ME3: variants seen among roughly 807,000 people sequenced by gnomAD.
ME3 encodes the protein malic enzyme 3.
A neutral mutation model predicts 68.9 loss-of-function variants in ME3; 48 were observed. The observed-to-expected ratio is 0.70, with a 90% CI of 0.55 to 0.89. The LOEUF (loss-of-function observed/expected upper bound fraction) is 0.89, where lower values mean the gene tolerates loss of function less well. Among genes scored for constraint, ME3 ranks in the 40% least tolerant of loss-of-function variants. The probability of loss-of-function intolerance (pLI) is 0.00; values close to 1 mark genes in which losing one functional copy is unlikely to be tolerated. For missense variants in ME3, 675 were observed against 797.4 expected (o/e 0.85, Z 1.85); for synonymous variants, 320 against 318.8 (o/e 1.00, Z -0.04).
chr11:86,447,372 T>C (rs1949370446), intron 11 of ME3, among the ~76,000 whole-genome samples, 165 bp from the exon 12 acceptor site: 2 of 152,200 alleles, frequency 1.3e-5, no homozygotes, highest in Admixed American at 6.5e-5. Flanking sequence ...ATCTTCCTGC[T>C]TGAGCTGCCT....
intron 3 of ME3, among the ~76,000 whole-genome samples, chr11:86,559,474 C>T (rs140747743): frequency 3.3e-5 from 5 of 152,286 alleles, no homozygotes; most frequent in African/African-American, 1.2e-4. Context: ...TTTCCCTTCC[C>T]ATTTCCCCCA....
intron 4 of ME3, among the ~76,000 whole-genome samples, chr11:86,534,081 GTATATATA>G (rs57566563): frequency 0.065 from 8,293 of 127,474 alleles, 349 homozygotes; most frequent in African/African-American, 0.13. Flanking sequence ...GTGTGTGTGT[GTATATATA>G]TATATATATA....
At chr11:86,615,165 G>A (rs1942870030) in intron 2 of ME3, among the ~76,000 whole-genome samples, 1 of 152,046 alleles carries the variant, frequency 6.6e-6, no homozygotes, top group South Asian at 2.1e-4. Context: ...ATCTTAGTGA[G>A]CTTCTAGCCA....
intron 2 of ME3, among the ~76,000 whole-genome samples, chr11:86,615,988 C>T (rs1052599032): frequency 6.6e-6 from 1 of 152,162 alleles, no homozygotes; most frequent in Admixed American, 6.5e-5. Context: ...CTTATAGTCT[C>T]ACCACCAAAG....
At chr11:86,496,304 G>A (rs1171587143) in intron 6 of ME3, among the ~76,000 whole-genome samples, 1 of 152,144 alleles carries the variant, frequency 6.6e-6, no homozygotes, top group Non-Finnish European at 1.5e-5. Context: ...TACTCAGGAG[G>A]CTGAGATAGG....
At chr11:86,476,250 C>T (rs550752458) in intron 7 of ME3, among the ~76,000 whole-genome samples, 2 of 152,294 alleles carry the variant, frequency 1.3e-5, no homozygotes, top group African/African-American at 2.4e-5. Flanking sequence ...GAGATGGAAA[C>T]AGCCCTGAAA....
intron 4 of ME3, among the ~76,000 whole-genome samples, chr11:86,536,391 C>A (rs1002098088): frequency 5.8e-5 from 8 of 137,688 alleles, no homozygotes; most frequent in Admixed American, 3.1e-4. Context: ...ACTCATCTGA[C>A]AAAGGGCTAA....
At chr11:86,451,636 A>T (rs1004442985) in intron 8 of ME3, among the ~76,000 whole-genome samples, 1 of 152,230 alleles carries the variant, frequency 6.6e-6, no homozygotes, top group Non-Finnish European at 1.5e-5. Flanking sequence ...CCTGGTGGCA[A>T]GATGATTGCA....
chr11:86,610,339 TGA>T (rs1421038962), intron 2 of ME3, among the ~76,000 whole-genome samples: 12 of 152,182 alleles, frequency 7.9e-5, no homozygotes, highest in African/African-American at 2.9e-4. Context: ...TATAATAAAG[TGA>T]TCTGCAAGCA....
At chr11:86,533,488 T>C (rs935227615) in intron 4 of ME3, among the ~76,000 whole-genome samples, 2 of 151,974 alleles carry the variant, frequency 1.3e-5, no homozygotes, top group Admixed American at 6.6e-5. Context: ...AGTAAGGAGA[T>C]TGAATCAGTG....
intron 2 of ME3, among the ~76,000 whole-genome samples, chr11:86,594,956 G>A (rs936406089): frequency 1.4e-5 from 2 of 145,510 alleles, no homozygotes; most frequent in Non-Finnish European, 3.0e-5. Context: ...TTCTGTGGGG[G>A]ATGAGCTAGG....
intron 7 of ME3, among the ~76,000 whole-genome samples, chr11:86,481,769 G>C (rs1951423819): frequency 6.6e-6 from 1 of 152,176 alleles, no homozygotes; most frequent in Non-Finnish European, 1.5e-5. Flanking sequence ...TGTGGGAGTT[G>C]CAGGATCAGC....
At chr11:86,597,957 G>C (rs1959815406) in intron 2 of ME3, among the ~76,000 whole-genome samples, 1 of 152,056 alleles carries the variant, frequency 6.6e-6, no homozygotes, top group Non-Finnish European at 1.5e-5. Context: ...AGAGTTATCA[G>C]TAGGGAGGAG....
chr11:86,559,962 T>C, intron 2 of ME3, 139 bp from the exon 3 acceptor site: 1 of 867,556 alleles, frequency 1.2e-6, no homozygotes, highest in Non-Finnish European at 1.6e-6. Context: ...CCACCTCTGC[T>C]ATTAAAGTAG....
At position 86,519,904 on chromosome 11, in the gene ME3, C is replaced by T. The variant is rs114361159; in HGVS notation, c.468-11037G>A. Among the ~76,000 whole-genome samples the T allele has an allele frequency of 7.9e-3, 1,208 of 152,346 alleles. 16 individuals are homozygous for T. The highest frequency in any genetic ancestry group is 0.028 in the African/African-American group (1,166 of 41,570). ...ACACTTTCCACTGCTTTCTGTGGAA[C>T]GTCCTCAGGGACGTGTGACTGAAGT... is the stretch of plus-strand genomic sequence containing the variant. On this transcript the variant is annotated intron_variant, in intron 4 of 14. Coordinates refer to ENST00000543262, the Ensembl canonical transcript of ME3.
At chr11:86,650,135 G>C (rs1006830680) in intron 2 of ME3, among the ~76,000 whole-genome samples, 1 of 152,092 alleles carries the variant, frequency 6.6e-6, no homozygotes, top group Non-Finnish European at 1.5e-5. Flanking sequence ...ACAGAACAGA[G>C]ACCTCAGAAA....
chr11:86,533,285 C>G (rs142527720), intron 4 of ME3, among the ~76,000 whole-genome samples: 88 of 151,592 alleles, frequency 5.8e-4, no homozygotes, highest in African/African-American at 2.1e-3. Context: ...AGAGAGAAGA[C>G]TCAAAATCAG....
exon 14 of ME3, chr11:86,442,870 T>C: frequency 1.9e-6 from 3 of 1,613,368 alleles, no homozygotes; most frequent in Non-Finnish European, 2.5e-6. Context: ...GAGTGGTGGG[T>C]AGAGTCTCCC....
chr11:86,556,543 G>C lies in ME3; in HGVS notation c.467+10C>G, dbSNP rs200806582. 4 of 1,612,408 alleles carry C rather than the reference G, an allele frequency of 2.5e-6. No individual in the cohort carries two copies. Among genetic ancestry groups the C allele is most frequent in the East Asian group, 2.2e-5 (1 of 44,834 alleles). On this transcript the variant is annotated intron_variant, in intron 4 of 14. Transcript: ENST00000543262. ...GCCCCTCCCAGAGCCCTCACTCCAC[G>C]GGGGCTCACCGGGGCCTGCGGAAAG... is the stretch of plus-strand genomic sequence containing the variant.
Sources: gnomAD v4.1 joint callset for allele counts (sites outside exome capture counted in the v4.1 genomes callset) on GRCh38, gnomAD v4.1.1 for gene constraint, MANE v1.5 for transcripts, NCBI Gene and HGNC (gene_info 2026-07-23, HGNC 2026-07-21) for gene names.